TENM2: variants seen among roughly 807,000 people sequenced by gnomAD.
TENM2 encodes the protein teneurin transmembrane protein 2, also known as teneurin-2.
Under a neutral mutation model 245.2 loss-of-function variants are expected in TENM2, and 52 were observed. The ratio of observed to expected loss-of-function variants is 0.21; its 90% CI spans 0.17 to 0.27. The LOEUF (loss-of-function observed/expected upper bound fraction) is 0.27, where lower values mean the gene tolerates loss of function less well. Ranked by LOEUF, TENM2 falls within the 10% of genes least tolerant of loss-of-function variation. The pLI, the probability that TENM2 is intolerant of heterozygous loss-of-function variation, is 1.00. For synonymous variants in TENM2, 1,363 were observed against 1,438.9 expected, an observed-to-expected ratio of 0.95 and a Z score of 1.19; for missense variants, 3,046 against 3,666.8, an observed-to-expected ratio of 0.83 and a Z score of 4.37.
chr5:167,055,944 T>C, the TENM2 span, among the ~76,000 whole-genome samples: 2 of 152,034 alleles, frequency 1.3e-5, no homozygotes, highest in Non-Finnish European at 2.9e-5. Flanking sequence ...TCCAGTACAA[T>C]GTTGAAGAGC....
At chr5:168,156,001 C>T (rs950648804) in intron 12 of TENM2, among the ~76,000 whole-genome samples, 2 of 151,030 alleles carry the variant, frequency 1.3e-5, no homozygotes, top group African/African-American at 4.9e-5. Context: ...ACGTGCCAAC[C>T]GTTCTTCTAG....
At chr5:167,836,590 T>C (rs1769014703) in intron 2 of TENM2, among the ~76,000 whole-genome samples, 1 of 152,222 alleles carries the variant, frequency 6.6e-6, no homozygotes, top group Non-Finnish European at 1.5e-5. Context: ...CTTGTAACCA[T>C]GTTCACCAGG....
rs1281142448 is a variant in TENM2, at chr5:167,907,545, A to ATATATATG, written c.712+31357_712+31358insGTATATAT. Reference sequence around the variant, plus strand: ...CCTAAATATATATATATATATATATATATATATATATATATATATATATAT... The same window carrying ATATATATG: ...CCTAAATATATATATATATATATATATATATATGTATATATATATATATATATATATAT... On this transcript the variant is annotated intron_variant, in intron 3 of 28. Transcript: ENST00000518659. Among the ~76,000 whole-genome samples the ATATATATG allele has an allele frequency of 1.2e-4, 11 of 89,302 alleles. No homozygotes were observed. The East Asian group carries it at 4.2e-3, about 34-fold the overall frequency. The allele number at this position is 89,302 out of a possible 152,430, so 58.6% of individuals were successfully genotyped here. A position where few individuals can be genotyped will look rare whatever the true frequency, so the allele number is the denominator to read the frequency against.
chr5:168,248,273 G>A lies in TENM2; in HGVS notation c.7334G>A (p.Trp2445Ter). Reference sequence around the variant, plus strand: ...TGGACCTCCCCAGACTATACCATGTGGAAAAACGTGGGCAAGGAGCCGGCC... The same window carrying A: ...TGGACCTCCCCAGACTATACCATGTAGAAAAACGTGGGCAAGGAGCCGGCC... The change falls in exon 27 of 29, where the codon TGG becomes TAG. Residue 2445 changes from tryptophan (W) to a stop codon, truncating the protein, a stop_gained. Transcript: ENST00000518659. LOFTEE classifies it high-confidence loss of function. 6.2e-7 allele frequency: 1 copy of A among 1,614,012 alleles called. No individual in the cohort carries two copies. Among genetic ancestry groups the A allele is most frequent in the Non-Finnish European group, 8.5e-7 (1 of 1,179,904 alleles).
intron 2 of TENM2, among the ~76,000 whole-genome samples, chr5:167,856,641 T>G (rs1443631328): frequency 6.6e-6 from 1 of 152,212 alleles, no homozygotes; most frequent in Non-Finnish European, 1.5e-5. Context: ...AGGGTGAATA[T>G]CTGGGCAGAC....
At chr5:168,102,372 G>A (rs1011143792) in intron 9 of TENM2, among the ~76,000 whole-genome samples, 5 of 152,110 alleles carry the variant, frequency 3.3e-5, no homozygotes. Flanking sequence ...CTCGCCCAGC[G>A]ATAAATTTAT....
intron 2 of TENM2, among the ~76,000 whole-genome samples, chr5:167,668,924 G>A (rs534824493): frequency 2.0e-5 from 3 of 152,158 alleles, no homozygotes; most frequent in Non-Finnish European, 4.4e-5. Flanking sequence ...CTGAACTTCA[G>A]CCTGAGTGAC....
At chr5:167,570,935 T>C (rs1252922389) in intron 2 of TENM2, among the ~76,000 whole-genome samples, 3 of 152,158 alleles carry the variant, frequency 2.0e-5, no homozygotes, top group Admixed American at 6.5e-5. Context: ...GCTTCGAGGG[T>C]GAGTTCATGA....
At chr5:167,635,925 T>G (rs1479332732) in intron 2 of TENM2, among the ~76,000 whole-genome samples, 1 of 151,844 alleles carries the variant, frequency 6.6e-6, no homozygotes, top group Non-Finnish European at 1.5e-5. Flanking sequence ...ATTACAGGCG[T>G]GAGTCACAGC....
intron 2 of TENM2, among the ~76,000 whole-genome samples, chr5:167,486,728 TTC>T (rs1768098510): frequency 6.6e-6 from 1 of 152,220 alleles, no homozygotes; most frequent in Non-Finnish European, 1.5e-5. Flanking sequence ...TGATTTTTTT[TTC>T]TCTGTTACTC....
At chr5:167,400,430 G>A (rs1050267623) in intron 2 of TENM2, among the ~76,000 whole-genome samples, 2 of 151,926 alleles carry the variant, frequency 1.3e-5, no homozygotes, top group Admixed American at 6.6e-5. Context: ...ATGGAGGGTA[G>A]GAGGAGAACA....
intron 23 of TENM2, among the ~76,000 whole-genome samples, chr5:168,223,686 C>T (rs1763880317): frequency 6.6e-6 from 1 of 151,992 alleles, no homozygotes; most frequent in Non-Finnish European, 1.5e-5. Context: ...AAGATGGTCT[C>T]AGTCTCCTCA....
the TENM2 span, among the ~76,000 whole-genome samples, chr5:167,024,922 A>G: frequency 1.3e-5 from 2 of 152,174 alleles, no homozygotes; most frequent in African/African-American, 2.4e-5. Flanking sequence ...TCTCTCAAGC[A>G]TGGTACCTCT....
chr5:167,269,459 T>A, the TENM2 span, among the ~76,000 whole-genome samples: 1 of 152,052 alleles, frequency 6.6e-6, no homozygotes, highest in African/African-American at 2.4e-5. Flanking sequence ...AGTTCTTGTC[T>A]CATGTCATCA....
At chr5:167,859,799 G>T (rs1202289916) in intron 2 of TENM2, among the ~76,000 whole-genome samples, 61 of 62,460 alleles carry the variant, frequency 9.8e-4, no homozygotes, top group Non-Finnish European at 1.1e-3. Flanking sequence ...TCAGCCCTCC[G>T]CCCGGCCAGC....
intron 2 of TENM2, among the ~76,000 whole-genome samples, chr5:167,864,792 T>G (rs1454126496): frequency 6.6e-6 from 1 of 152,178 alleles, no homozygotes; most frequent in Non-Finnish European, 1.5e-5. Flanking sequence ...CCCAAAGGGT[T>G]TGTGTCAGAT....
chr5:167,532,826 G>GTGTATATA (rs1554170577), intron 2 of TENM2, among the ~76,000 whole-genome samples: 3,494 of 144,476 alleles, frequency 0.024, 118 homozygotes, highest in African/African-American at 0.07. Context: ...GTGTGTGTGT[G>GTGTATATA]TATATATATA....
chr5:167,635,021 C>T (rs1246167218), intron 2 of TENM2, among the ~76,000 whole-genome samples: 1 of 152,178 alleles, frequency 6.6e-6, no homozygotes, highest in Non-Finnish European at 1.5e-5. Context: ...CTGGGTACCC[C>T]TACAGGCTTA....
chr5:167,654,371 G>C (rs926745230), intron 2 of TENM2, among the ~76,000 whole-genome samples: 11 of 152,256 alleles, frequency 7.2e-5, no homozygotes, highest in Admixed American at 5.9e-4. Flanking sequence ...CTCACTTCCA[G>C]GTGCCAAGTC....
Sources: gnomAD v4.1 joint callset for allele counts (sites outside exome capture counted in the v4.1 genomes callset) on GRCh38, gnomAD v4.1.1 for gene constraint, MANE v1.5 for transcripts, NCBI Gene and HGNC (gene_info 2026-07-23, HGNC 2026-07-21) for gene names.